The following OPCML variants were observed in gnomAD, a reference collection of about 807,000 sequenced individuals.
OPCML encodes opioid-binding protein/cell adhesion molecule.
OPCML carries 13 observed loss-of-function variants against 37.8 expected under a neutral mutation model. The ratio of observed to expected loss-of-function variants is 0.34; its 90% confidence interval spans 0.22 to 0.55. The LOEUF is 0.55. Among genes scored for constraint, OPCML ranks in the 20% least tolerant of loss-of-function variants. The pLI is 0.91. For missense variants in OPCML, 341 were observed against 435.6 expected (o/e 0.78, Z 1.93); for synonymous variants, 176 against 168.8 (o/e 1.04, Z -0.33).
intron 1 of OPCML, among the ~76,000 whole-genome samples, chr11:133,383,986 G>A (rs763814925): frequency 7.2e-5 from 11 of 151,990 alleles, no homozygotes; most frequent in South Asian, 2.1e-4. Flanking sequence ...GGGACATCCC[G>A]GCAGTGCCCC....
intron 1 of OPCML, among the ~76,000 whole-genome samples, chr11:133,253,490 A>G (rs1211508382): frequency 6.6e-6 from 1 of 152,074 alleles, no homozygotes; most frequent in Non-Finnish European, 1.5e-5. Flanking sequence ...TTGTATTTTT[A>G]GTAGAGACAG....
intron 1 of OPCML, among the ~76,000 whole-genome samples, chr11:133,258,201 C>T (rs934006059): frequency 2.0e-5 from 3 of 152,208 alleles, no homozygotes; most frequent in African/African-American, 7.2e-5. Flanking sequence ...TTGACATTGC[C>T]TGCATGCCCT....
At chr11:132,549,943 G>C (rs781538766) in intron 3 of OPCML, among the ~76,000 whole-genome samples, 16 of 152,082 alleles carry the variant, frequency 1.1e-4, no homozygotes, top group Non-Finnish European at 1.3e-4. Context: ...AGTGCCTCCT[G>C]TGTGTCCGTG....
At chr11:132,869,995 T>C (rs1306984662) in intron 2 of OPCML, among the ~76,000 whole-genome samples, 1 of 152,210 alleles carries the variant, frequency 6.6e-6, no homozygotes, top group African/African-American at 2.4e-5. Flanking sequence ...TAATTATTAC[T>C]GAATTGGGAT....
intron 3 of OPCML, among the ~76,000 whole-genome samples, chr11:132,546,680 T>G (rs924883022): frequency 6.6e-6 from 1 of 152,216 alleles, no homozygotes; most frequent in African/African-American, 2.4e-5. Flanking sequence ...TTGGAGAGTT[T>G]CTTAAGCTAT....
chr11:133,265,252 G>T (rs1282686145), intron 1 of OPCML, among the ~76,000 whole-genome samples: 2 of 152,318 alleles, frequency 1.3e-5, no homozygotes, highest in South Asian at 2.1e-4. Flanking sequence ...AAGAAGTGGG[G>T]TGGGATGGTG....
chr11:132,517,336 G>A (rs1027898017), intron 4 of OPCML, among the ~76,000 whole-genome samples: 1 of 152,172 alleles, frequency 6.6e-6, no homozygotes, highest in Non-Finnish European at 1.5e-5. Flanking sequence ...TAGGTGCACA[G>A]AGCTGGACCC....
intron 1 of OPCML, among the ~76,000 whole-genome samples, chr11:133,226,941 T>G (rs1365922819): frequency 6.6e-6 from 1 of 152,222 alleles, no homozygotes; most frequent in South Asian, 2.1e-4. Context: ...CATGAGCCAG[T>G]CTCACTGGGA....
At chr11:132,871,666 T>A (rs1238666591) in intron 2 of OPCML, among the ~76,000 whole-genome samples, 1 of 152,194 alleles carries the variant, frequency 6.6e-6, no homozygotes, top group Non-Finnish European at 1.5e-5. Flanking sequence ...GCGCCACCGA[T>A]GTTAGGCACT....
intron 1 of OPCML, among the ~76,000 whole-genome samples, chr11:133,291,637 A>AT (rs765846552): frequency 6.6e-6 from 1 of 152,130 alleles, no homozygotes; most frequent in South Asian, 2.1e-4. Context: ...ACTGCTTCTT[A>AT]TTTTTTTGGC....
intron 1 of OPCML, among the ~76,000 whole-genome samples, chr11:133,220,577 T>G (rs1427563257): frequency 6.6e-6 from 1 of 152,158 alleles, no homozygotes; most frequent in African/African-American, 2.4e-5. Context: ...AGCACATGCT[T>G]CCTCAAGGAA....
intron 2 of OPCML, among the ~76,000 whole-genome samples, chr11:132,889,961 G>A (rs532601624): frequency 2.0e-5 from 3 of 152,288 alleles, no homozygotes; most frequent in Admixed American, 2.0e-4. Flanking sequence ...GCAGAAATGG[G>A]CTATTAGTAT....
At chr11:132,952,820 C>T (rs754179849) in intron 1 of OPCML, among the ~76,000 whole-genome samples, 9 of 152,124 alleles carry the variant, frequency 5.9e-5, no homozygotes, top group Non-Finnish European at 1.0e-4. Flanking sequence ...GAGCCTGGCA[C>T]GATGGCAGCT....
intron 1 of OPCML, among the ~76,000 whole-genome samples, chr11:132,981,486 C>T (rs12363846): frequency 0.18 from 27,225 of 151,944 alleles, 2,692 homozygotes; most frequent in African/African-American, 0.22. Context: ...CGGGCACTGG[C>T]GGGAAAGGGC....
intron 1 of OPCML, among the ~76,000 whole-genome samples, chr11:132,951,462 CT>C (rs1434775961): frequency 6.6e-6 from 1 of 152,192 alleles, no homozygotes; most frequent in African/African-American, 2.4e-5. Context: ...CTTCTGACCC[CT>C]TTAACTTTAA....
chr11:132,524,965 C>A (rs1256948923), intron 4 of OPCML, among the ~76,000 whole-genome samples: 4 of 152,180 alleles, frequency 2.6e-5, no homozygotes. Flanking sequence ...TTTACACCAC[C>A]AACATGGGCA....
chr11:133,211,615 T>C lies in OPCML; in HGVS notation c.62-268605A>G, dbSNP rs1369702083. On this transcript the variant is annotated intron_variant, in intron 1 of 7. Transcript: ENST00000524381. This position sits in a 1 kb window ranked among gnomAD's most constrained non-coding sequence, Gnocchi z 4.1. Reference sequence around the variant, plus strand: ...ATGGTTTCCTAGAAGGGAGCTGAGGTACCCAGAGGCCCTTCCCTAATAGCT... The same window carrying C: ...ATGGTTTCCTAGAAGGGAGCTGAGGCACCCAGAGGCCCTTCCCTAATAGCT... Among the ~76,000 whole-genome samples the C allele has an allele frequency of 6.6e-6, 1 of 152,200 alleles. No homozygotes were observed. The highest frequency in any genetic ancestry group is 2.4e-5 in the African/African-American group (1 of 41,458).
chr11:133,460,038 G>C (rs1477183154), intron 1 of OPCML, among the ~76,000 whole-genome samples: 1 of 151,908 alleles, frequency 6.6e-6, no homozygotes, highest in Non-Finnish European at 1.5e-5. Context: ...TTATCACAAT[G>C]GAATGACGAG....
At chr11:132,525,975 T>A (rs935396055) in intron 4 of OPCML, 1 of 152,166 alleles carries the variant, frequency 6.6e-6, no homozygotes, top group African/African-American at 2.4e-5. Flanking sequence ...GCCAAGCCTA[T>A]GAGAAAACAA....
Sources: gnomAD v4.1 joint callset for allele counts (sites outside exome capture counted in the v4.1 genomes callset) on GRCh38, gnomAD v4.1.1 for gene constraint, Gnocchi (gnomAD v3.1) non-coding constraint, MANE v1.5 for transcripts, NCBI Gene and HGNC (gene_info 2026-07-23, HGNC 2026-07-21) for gene names.